Variants in SNUPN observed in about 807,000 individuals in gnomAD.
SNUPN encodes the protein snurportin-1.
A neutral mutation model predicts 39.2 loss-of-function variants in SNUPN; 31 were observed. The observed-to-expected ratio is 0.79, with a 90% CI of 0.59 to 1.07. The LOEUF (loss-of-function observed/expected upper bound fraction) is 1.07. SNUPN is among the 50% of genes least tolerant of loss of function. The probability of loss-of-function intolerance (pLI) is 0.00; values close to 1 mark genes in which losing one functional copy is unlikely to be tolerated. For synonymous variants in SNUPN, 132 were observed against 159.0 expected, an observed-to-expected ratio of 0.83 and a Z score of 1.28; for missense variants, 382 against 434.2, an observed-to-expected ratio of 0.88 and a Z score of 1.07.
chr15:75,604,988 A>C (rs750117407), intron 7 of SNUPN, among the ~76,000 whole-genome samples, 162 bp downstream of exon 7: 1 of 152,024 alleles, frequency 6.6e-6, no homozygotes, highest in Non-Finnish European at 1.5e-5. Flanking sequence ...TAGTAATAAT[A>C]AAAGCCAAAA....
intron 2 of SNUPN, among the ~76,000 whole-genome samples, chr15:75,619,052 C>T (rs1285989809): frequency 2.3e-4 from 26 of 112,800 alleles, no homozygotes; most frequent in African/African-American, 9.1e-4. Context: ...AAAAAAAAAG[C>T]CAGGTGCAGT....
At chr15:75,601,112 G>C (rs772448139) in intron 8 of SNUPN, 26 bp downstream of exon 8, 1 of 1,517,118 alleles carries the variant, frequency 6.6e-7, no homozygotes, top group Non-Finnish European at 9.2e-7. Flanking sequence ...ATCATGTCAA[G>C]GCAATAAAGA....
intron 1 of SNUPN, among the ~76,000 whole-genome samples, chr15:75,623,841 T>C (rs1416761842): frequency 6.6e-6 from 1 of 152,196 alleles, no homozygotes; most frequent in Admixed American, 6.5e-5. Flanking sequence ...TATGGTATGT[T>C]ATTCAAATCA....
intron 7 of SNUPN, among the ~76,000 whole-genome samples, chr15:75,603,357 A>AC (rs1409655190): frequency 1.4e-5 from 2 of 146,856 alleles, no homozygotes; most frequent in Admixed American, 6.8e-5. Context: ...TGGCCCAGGT[A>AC]TTTTTTTTAA....
chr15:75,605,303 C>CTT, intron 6 of SNUPN, 76 bp from the exon 7 acceptor site: 2 of 888,770 alleles, frequency 2.3e-6, no homozygotes, highest in East Asian at 2.8e-5. Flanking sequence ...ACACCCCATG[C>CTT]TATTTTTTTT....
chr15:75,598,493 C>G lies in SNUPN; in HGVS notation c.948G>C (p.Gln316His). Residue 316 changes from glutamine (Q) to histidine (H), a missense_variant, in exon 9 of 9, where the codon CAG becomes CAC. Gln to His is a conservative substitution (Grantham distance 24). Transcript: ENST00000308588. ...TGAGTTTCTCCTTCATGCCTTCCTT[C>G]TGGCTCTTCTTGTGCTCCATAATCT... is the stretch of plus-strand genomic sequence containing the variant. ...LQQIMEHKKSQKEGMKEKLTH... is the reference protein window; with the variant it reads ...LQQIMEHKKSHKEGMKEKLTH... 6.2e-7 allele frequency: 1 copy of G among 1,614,228 alleles called. No homozygotes were observed. The highest frequency in any genetic ancestry group is 8.5e-7 in the Non-Finnish European group (1 of 1,180,052).
In SNUPN at chr15:75,605,243, GA is replaced by G; in HGVS notation, c.601-17del. On this transcript the variant is annotated splice_polypyrimidine_tract_variant and intron_variant, in intron 6 of 8. Coordinates refer to ENST00000308588, the MANE Select transcript of SNUPN (RefSeq NM_005701.4). ...GGAAATCAGTCTGCCACAGAGAAGG[GA>G]AACAGAAAGATGAAATACTTTCCAT... 6.4e-7 allele frequency: 1 copy of G among 1,557,756 alleles called. No homozygotes were observed. The highest frequency in any genetic ancestry group is 8.8e-7 in the Non-Finnish European group (1 of 1,132,866).
intron 3 of SNUPN, among the ~76,000 whole-genome samples, chr15:75,613,666 A>G (rs1892857271): frequency 6.6e-6 from 1 of 152,000 alleles, no homozygotes; most frequent in South Asian, 2.1e-4. Flanking sequence ...AAGAAAAGAA[A>G]AGAAAAGATG....
rs376678669 is a variant in SNUPN at position 75,598,547 on chromosome 15, C to T, written c.894G>A (p.Lys298=). The T allele has an allele frequency of 7.4e-6, 12 of 1,614,198 alleles. No homozygotes were observed. The highest frequency in any genetic ancestry group is 9.3e-6 in the Non-Finnish European group (11 of 1,180,044). The part of the protein sequence containing the change: ...VAVPAGPLTT[K]PDYAGHQLQQ... ...GGAGCTGGTGCCCAGCATAGTCTGGCTTGGTGGTCAGCGGGCCAGCCGGCA... is the reference window on the plus strand; with the variant it reads ...GGAGCTGGTGCCCAGCATAGTCTGGTTTGGTGGTCAGCGGGCCAGCCGGCA... The change falls in exon 9 of 9, where the codon AAG becomes AAA. Residue 298 remains lysine (K), a synonymous_variant. Transcript: ENST00000308588.
chr15:75,625,677 T>A lies in SNUPN; in HGVS notation c.-17A>T, dbSNP rs1893208844. On this transcript the variant is annotated 5_prime_UTR_variant, in exon 1 of 9. Transcript: ENST00000308588. ...ACCCAGGGACTCACCCAAACCGAGG[T>A]GACCGTCGCACGCGCCGCCGCCACC... 6.6e-6 allele frequency: 1 copy of A among 150,616 alleles called. No homozygotes were observed. Among genetic ancestry groups the A allele is most frequent in the Non-Finnish European group, 1.5e-5 (1 of 67,872 alleles). 9.3% of individuals were successfully genotyped at this position (150,616 alleles called of 1,614,324 possible).
intron 5 of SNUPN, among the ~76,000 whole-genome samples, chr15:75,609,174 C>CTTTTT (rs1205961290): frequency 8.9e-5 from 8 of 89,672 alleles, no homozygotes; most frequent in Middle Eastern, 5.4e-3. Flanking sequence ...CAAAGTGGGT[C>CTTTTT]TTTTTTTTTT....
chr15:75,608,459 A>C (rs1408577391), intron 5 of SNUPN, among the ~76,000 whole-genome samples: 1 of 152,184 alleles, frequency 6.6e-6, no homozygotes, highest in South Asian at 2.1e-4. Flanking sequence ...GGTAGAGAAG[A>C]AAGCAAGCCC....
chr15:75,610,553 C>T (rs1892753518), intron 3 of SNUPN, among the ~76,000 whole-genome samples: 1 of 152,130 alleles, frequency 6.6e-6, no homozygotes, highest in Non-Finnish European at 1.5e-5. Context: ...CCATCTCCAC[C>T]TGCAACCACA....
At chr15:75,601,889 T>C (rs2141360783) in intron 7 of SNUPN, among the ~76,000 whole-genome samples, 1 of 152,246 alleles carries the variant, frequency 6.6e-6, no homozygotes, top group Middle Eastern at 3.4e-3. Flanking sequence ...CTCCCCCTTT[T>C]TTTTAAGAGA....
rs554375445 is a variant in SNUPN at position 75,600,339 on chromosome 15, A to G, written c.759+799T>C. The stretch of plus-strand genomic sequence containing the variant: ...GCCCAGGCTGGAGTGCAGTGGCTCA[A>G]TCTCGGCTCACTGCAACCTCTGCCT... On this transcript the variant is annotated intron_variant, in intron 8 of 8. Coordinates refer to ENST00000308588, the MANE Select transcript of SNUPN (RefSeq NM_005701.4). 2.8e-3 allele frequency among the ~76,000 whole-genome samples: 432 copies of G among 151,722 alleles called. 4 individuals are homozygous for G. Among genetic ancestry groups the G allele is most frequent in the African/African-American group, 9.6e-3 (398 of 41,354 alleles).
intron 1 of SNUPN, among the ~76,000 whole-genome samples, chr15:75,624,384 C>A (rs1893160905): frequency 6.7e-6 from 1 of 148,414 alleles, no homozygotes; most frequent in Non-Finnish European, 1.5e-5. Flanking sequence ...CTGGGCCTGG[C>A]GCGGTGGCTC....
chr15:75,623,950 C>T (rs1893144822), intron 1 of SNUPN, among the ~76,000 whole-genome samples: 2 of 124,614 alleles, frequency 1.6e-5, no homozygotes, highest in East Asian at 2.4e-4. Context: ...TTTTTTGAGA[C>T]GGAGTCTCGC....
chr15:75,619,022 TAAAAAAAAAAAAAAA>T (rs35749195), intron 2 of SNUPN, among the ~76,000 whole-genome samples: 9 of 74,380 alleles, frequency 1.2e-4, no homozygotes, highest in East Asian at 4.4e-4. Context: ...CTACTTGTGT[TAAAAAAAAAAAAAAA>T]AAAAAAAAAA....
Position 75,598,691 on chromosome 15 carries a change from A to C in SNUPN, c.760-10T>G. Reference sequence around the variant, plus strand: ...AGAGAAGTCCATCTACCTATAAGACAAGGGGAAATTGAGGATCAAATGACT... The same window carrying C: ...AGAGAAGTCCATCTACCTATAAGACCAGGGGAAATTGAGGATCAAATGACT... On this transcript the variant is annotated splice_polypyrimidine_tract_variant and intron_variant, in intron 8 of 8. Transcript: ENST00000308588. 1 of 1,581,062 alleles carries C rather than the reference A, an allele frequency of 6.3e-7. No individual in the cohort carries two copies. The highest frequency in any genetic ancestry group is 8.6e-7 in the Non-Finnish European group (1 of 1,158,320).
Sources: allele counts gnomAD v4.1 joint callset (sites outside exome capture counted in the v4.1 genomes callset), GRCh38; gene constraint gnomAD v4.1.1; transcripts MANE v1.5; gene names NCBI Gene and HGNC (gene_info 2026-07-23, HGNC 2026-07-21).